The following IRAK1BP1 variants were observed in gnomAD, a reference collection of about 807,000 sequenced individuals.
The protein encoded by IRAK1BP1 is interleukin-1 receptor-associated kinase 1-binding protein 1.
IRAK1BP1 carries 24 observed loss-of-function variants against 28.0 expected under a neutral mutation model. That is an observed-to-expected ratio of 0.86 (90% CI 0.62 to 1.20). The LOEUF (loss-of-function observed/expected upper bound fraction) is 1.20. Ranked by LOEUF, IRAK1BP1 falls within the 50% of genes most tolerant of loss-of-function variation. The pLI is 0.00. For synonymous variants in IRAK1BP1, 131 were observed against 116.3 expected (o/e 1.13, Z -0.81); for missense variants, 336 against 316.7 (o/e 1.06, Z -0.46).
the IRAK1BP1 span, among the ~76,000 whole-genome samples, chr6:78,967,504 A>AC: frequency 6.6e-6 from 1 of 152,218 alleles, no homozygotes. Context: ...ACTGAAGTCC[A>AC]CCATTGAGAG....
chr6:78,898,019 T>C (rs1462419876), intron 3 of IRAK1BP1, 45 bp from the exon 4 acceptor site: 8 of 1,605,890 alleles, frequency 5.0e-6, no homozygotes, highest in Non-Finnish European at 6.8e-6. Flanking sequence ...CAGTGCTACA[T>C]TTCATTGAGT....
At chr6:78,960,671 T>G in the IRAK1BP1 span, among the ~76,000 whole-genome samples, 1 of 152,062 alleles carries the variant, frequency 6.6e-6, no homozygotes, top group Non-Finnish European at 1.5e-5. Flanking sequence ...TTTATTCCAG[T>G]GGTTCTCAAT....
chr6:78,916,793 A>T (rs1225754236), intron 4 of IRAK1BP1, among the ~76,000 whole-genome samples: 1 of 152,144 alleles, frequency 6.6e-6, no homozygotes, highest in African/African-American at 2.4e-5. Context: ...TACAAAAAAA[A>T]AATAGCCGGA....
exon 5 of IRAK1BP1, chr6:78,945,592 C>T (rs992397126): frequency 1.3e-6 from 1 of 780,280 alleles, no homozygotes; most frequent in East Asian, 2.7e-5. Context: ...GCCAAGACAA[C>T]AAAACCTGAA....
chr6:78,889,028 G>T (rs548106120), intron 2 of IRAK1BP1, among the ~76,000 whole-genome samples: 1 of 149,850 alleles, frequency 6.7e-6, no homozygotes, highest in South Asian at 2.1e-4. Context: ...GGGGTGGGAG[G>T]ATTGCTTGAG....
intron 4 of IRAK1BP1, among the ~76,000 whole-genome samples, chr6:78,943,406 A>G (rs146671906): frequency 1.3e-5 from 2 of 152,310 alleles, no homozygotes; most frequent in African/African-American, 4.8e-5. Flanking sequence ...TTCATCATAT[A>G]TATTTGATTT....
the IRAK1BP1 span, among the ~76,000 whole-genome samples, chr6:78,977,195 T>C: frequency 3.4e-5 from 5 of 147,412 alleles, no homozygotes; most frequent in Admixed American, 1.4e-4. Flanking sequence ...ACTATGCAGC[T>C]ATAAAAAATG....
chr6:78,874,677 A>T (rs1770930990), intron 1 of IRAK1BP1, among the ~76,000 whole-genome samples: 1 of 152,208 alleles, frequency 6.6e-6, no homozygotes, highest in African/African-American at 2.4e-5. Flanking sequence ...TTCTATACAA[A>T]AAATTTCTAT....
At chr6:78,868,546 C>T (rs537717587) in intron 1 of IRAK1BP1, among the ~76,000 whole-genome samples, 1 of 152,148 alleles carries the variant, frequency 6.6e-6, no homozygotes, top group African/African-American at 2.4e-5. Flanking sequence ...ACTTACTTAA[C>T]GGAGATGTCC....
chr6:78,896,066 A>G (rs1338215369), intron 2 of IRAK1BP1, among the ~76,000 whole-genome samples: 1 of 152,178 alleles, frequency 6.6e-6, no homozygotes, highest in Non-Finnish European at 1.5e-5. Context: ...AAACACTGCA[A>G]AGCATTCCAG....
chr6:78,941,388 A>C (rs1026305724), intron 4 of IRAK1BP1: 5 of 1,302,352 alleles, frequency 3.8e-6, no homozygotes, highest in Admixed American at 2.2e-5. Context: ...TTTGACTCTC[A>C]AACTTGTCAG....
downstream of IRAK1BP1, among the ~76,000 whole-genome samples, chr6:78,906,796 A>G (rs567976109): frequency 2.0e-5 from 3 of 152,334 alleles, no homozygotes; most frequent in African/African-American, 7.2e-5. Flanking sequence ...ACCTTTCAAC[A>G]TAAATGGTAA....
At chr6:78,897,755 T>G in intron 2 of IRAK1BP1, 74 bp from the exon 3 acceptor site, 1 of 1,345,874 alleles carries the variant, frequency 7.4e-7, no homozygotes, top group Non-Finnish European at 1.0e-6. Flanking sequence ...CTATACTTTT[T>G]TTACTTACAT....
intron 4 of IRAK1BP1, among the ~76,000 whole-genome samples, chr6:78,928,794 AT>A (rs1772961733): frequency 6.6e-6 from 1 of 151,972 alleles, no homozygotes; most frequent in Non-Finnish European, 1.5e-5. Context: ...TTTGTTTGTT[AT>A]TCTGTCCTGT....
chr6:78,975,428 G>A, the IRAK1BP1 span, among the ~76,000 whole-genome samples: 9 of 152,138 alleles, frequency 5.9e-5, no homozygotes, highest in Admixed American at 3.3e-4. Context: ...TACTGAATGG[G>A]CAAAAACTGG....
chr6:78,972,166 C>T, the IRAK1BP1 span, among the ~76,000 whole-genome samples: 4,755 of 151,954 alleles, frequency 0.031, 90 homozygotes, highest in Middle Eastern at 0.058. Flanking sequence ...TCTCCCAGTA[C>T]GCAGCTGGAG....
At chr6:78,975,222 C>T in the IRAK1BP1 span, among the ~76,000 whole-genome samples, 24 of 151,726 alleles carry the variant, frequency 1.6e-4, no homozygotes, top group African/African-American at 5.8e-4. Context: ...GTTCAATATA[C>T]GCAAATCAAT....
At chr6:78,958,644 GA>G in the IRAK1BP1 span, 3 of 1,172,508 alleles carry the variant, frequency 2.6e-6, no homozygotes, top group Non-Finnish European at 3.8e-6. Flanking sequence ...CTTATATTTA[GA>G]AATATGTGTA....
chr6:78,915,699 C>T (rs2127663396), intron 4 of IRAK1BP1, among the ~76,000 whole-genome samples: 1 of 152,322 alleles, frequency 6.6e-6, no homozygotes, highest in Middle Eastern at 3.4e-3. Context: ...TTCCTTTTCT[C>T]CTTCACTTGT....
Sources: allele counts gnomAD v4.1 joint callset (sites outside exome capture counted in the v4.1 genomes callset), GRCh38; gene constraint gnomAD v4.1.1; transcripts MANE v1.5; gene names NCBI Gene and HGNC (gene_info 2026-07-23, HGNC 2026-07-21).